The following ATPSCKMT variants were observed in gnomAD, a reference collection of about 807,000 sequenced individuals.
ATPSCKMT encodes ATP synthase c subunit lysine N-methyltransferase, also known as ATP synthase subunit C lysine N-methyltransferase.
A neutral mutation model predicts 24.3 loss-of-function variants in ATPSCKMT; 24 were observed. The observed-to-expected ratio is 0.99, with a 90% CI of 0.71 to 1.39. The LOEUF (loss-of-function observed/expected upper bound fraction) is 1.39, where lower values mean the gene tolerates loss of function less well. Ranked by LOEUF, ATPSCKMT falls within the 40% of genes most tolerant of loss-of-function variation. The pLI, the probability that ATPSCKMT is intolerant of heterozygous loss-of-function variation, is 0.00. For missense variants in ATPSCKMT, 311 were observed against 298.4 expected (o/e 1.04, Z -0.31); for synonymous variants, 95 against 110.5 (o/e 0.86, Z 0.88).
Position 10,239,134 on chromosome 5 carries a change from T to C in ATPSCKMT, c.239A>G (p.Asn80Ser), listed in dbSNP as rs776831559. 15 of 1,614,082 alleles carry C rather than the reference T, an allele frequency of 9.3e-6. No individual in the cohort carries two copies. Among genetic ancestry groups the C allele is most frequent in the Non-Finnish European group, 1.2e-5 (14 of 1,180,048 alleles). ...FVPATTKQIE[N>S]VVKMLRCRRG... ...TCGGCATCGCAACATTTTCACAACA[T>C]TTTCAATCTGCTTCGTAGTTGCAGG... Residue 80 changes from asparagine to serine, a missense_variant, in exon 2 of 5, where the codon AAT (asparagine) becomes AGT (serine). Asn to Ser is a conservative substitution (Grantham distance 46, BLOSUM62 1). Coordinates refer to ENST00000511437, the MANE Select transcript of ATPSCKMT (RefSeq NM_199133.4).
chr5:10,249,706 C>T (rs990908940), intron 1 of ATPSCKMT, 152 bp downstream of exon 1: 11 of 1,248,950 alleles, frequency 8.8e-6, no homozygotes, highest in African/African-American at 1.6e-5. Context: ...CGACCAGGAG[C>T]TCTGGTCACC....
intron 4 of ATPSCKMT, among the ~76,000 whole-genome samples, chr5:10,230,767 C>T (rs28594590): frequency 0.038 from 5,820 of 152,116 alleles, 387 homozygotes; most frequent in African/African-American, 0.13. Flanking sequence ...TTCACTGGGC[C>T]GCCAGTGTAA....
Position 10,239,140 on chromosome 5 carries a change from A to C in ATPSCKMT, c.233T>G (p.Ile78Ser). The C allele has an allele frequency of 6.2e-7, 1 of 1,614,208 alleles. No individual in the cohort carries two copies. The highest frequency in any genetic ancestry group is 8.5e-7 in the Non-Finnish European group (1 of 1,180,046). Residue 78 changes from isoleucine (I) to serine (S), a missense_variant, in exon 2 of 5, where the codon ATT (isoleucine) becomes AGT (serine). Coordinates refer to ENST00000511437, the MANE Select transcript of ATPSCKMT (RefSeq NM_199133.4). ...TCGCAACATTTTCACAACATTTTCAATCTGCTTCGTAGTTGCAGGTACAAA... is the reference window on the plus strand; with the variant it reads ...TCGCAACATTTTCACAACATTTTCACTCTGCTTCGTAGTTGCAGGTACAAA... ...LPFVPATTKQIENVVKMLRCR... is the reference protein window; with the variant it reads ...LPFVPATTKQSENVVKMLRCR...
At chr5:10,248,869 T>A (rs1745101312) in intron 1 of ATPSCKMT, among the ~76,000 whole-genome samples, 1 of 152,120 alleles carries the variant, frequency 6.6e-6, no homozygotes, top group African/African-American at 2.4e-5. Context: ...AATCTAAACC[T>A]ATCAAATATT....
Position 10,236,507 on chromosome 5 carries a change from C to G in ATPSCKMT, c.415G>C (p.Ala139Pro). ...RAWREGVHGS[A>P]KFYISDLWKV... ...CACAAATCTGAAATATAAAATTTGG[C>G]AGATCCATGCACACCTTCTCGCCAA... The change falls in exon 3 of 5, where the codon GCC becomes CCC. Residue 139 changes from alanine (A) to proline (P), a missense_variant. Physicochemically the swap from Ala to Pro is conservative, Grantham distance 27 (BLOSUM62 -1). Transcript: ENST00000511437. The G allele has an allele frequency of 6.2e-7, 1 of 1,614,114 alleles. No homozygotes were observed. Among genetic ancestry groups the G allele is most frequent in the Non-Finnish European group, 8.5e-7 (1 of 1,180,012 alleles).
At chr5:10,249,536 C>A (rs954224383) in intron 1 of ATPSCKMT, 12 of 358,528 alleles carry the variant, frequency 3.3e-5, no homozygotes, top group Non-Finnish European at 6.0e-5. Context: ...CTAGGAAGAG[C>A]GGCAGAACTG....
intron 4 of ATPSCKMT, among the ~76,000 whole-genome samples, chr5:10,228,449 A>T (rs968270952): frequency 6.6e-6 from 1 of 152,178 alleles, no homozygotes; most frequent in African/African-American, 2.4e-5. Context: ...CTACCAATAA[A>T]GAGTTTTTAT....
chr5:10,245,377 G>A (rs377692297), intron 1 of ATPSCKMT, among the ~76,000 whole-genome samples: 2 of 152,090 alleles, frequency 1.3e-5, no homozygotes, highest in East Asian at 1.9e-4. Flanking sequence ...CCGAGACCGC[G>A]CCACTGCACT....
rs1189331829 is a variant in ATPSCKMT, at chr5:10,227,261, A to C, written c.*180T>G. 10 of 659,108 alleles carry C rather than the reference A, an allele frequency of 1.5e-5. No individual in the cohort carries two copies. The highest frequency in any genetic ancestry group is 3.6e-5 in the African/African-American group (2 of 54,886). 40.8% of individuals were successfully genotyped at this position (659,108 alleles called of 1,614,324 possible). On this transcript the variant is annotated 3_prime_UTR_variant, in exon 5 of 5. Coordinates refer to ENST00000511437, the MANE Select transcript of ATPSCKMT (RefSeq NM_199133.4). Reference sequence around the variant, plus strand: ...TACAATTTTTAAGAAAATAGCATCAAAAGCAGATTTTAAATCTACCTGTTT... The same window carrying C: ...TACAATTTTTAAGAAAATAGCATCACAAGCAGATTTTAAATCTACCTGTTT...
intron 4 of ATPSCKMT, among the ~76,000 whole-genome samples, chr5:10,231,950 C>A (rs1000734443): frequency 1.3e-5 from 2 of 152,378 alleles, no homozygotes; most frequent in East Asian, 1.9e-4. Context: ...CACCTGTAAT[C>A]CCAACACTTT....
intron 1 of ATPSCKMT, 54 bp downstream of exon 1, chr5:10,249,804 C>G (rs893465583): frequency 4.6e-6 from 7 of 1,535,770 alleles, no homozygotes; most frequent in Non-Finnish European, 6.1e-6. Context: ...GCCCCCGGCC[C>G]GCCCGCACCC....
At chr5:10,240,734 A>G (rs2578631) in intron 1 of ATPSCKMT, among the ~76,000 whole-genome samples, 134,460 of 152,088 alleles carry the variant, frequency 0.88, 59,611 homozygotes, top group Middle Eastern at 0.94. Context: ...AGTGGCTCAC[A>G]CCTGTAATCC....
intron 2 of ATPSCKMT, among the ~76,000 whole-genome samples, chr5:10,237,795 G>A (rs1157651336): frequency 6.6e-6 from 1 of 151,740 alleles, no homozygotes; most frequent in African/African-American, 2.4e-5. Flanking sequence ...CACCCAGGCT[G>A]GAGTGCAGTG....
At chr5:10,244,163 T>C (rs187562799) in intron 1 of ATPSCKMT, among the ~76,000 whole-genome samples, 39 of 152,268 alleles carry the variant, frequency 2.6e-4, no homozygotes, top group Admixed American at 1.8e-3. Flanking sequence ...CATTTATCGA[T>C]TAAGTTCACT....
chr5:10,235,422 A>G (rs1414509731), intron 3 of ATPSCKMT, among the ~76,000 whole-genome samples, 161 bp from the exon 4 acceptor site: 1 of 152,230 alleles, frequency 6.6e-6, no homozygotes, highest in Non-Finnish European at 1.5e-5. Context: ...CACAAGGAAA[A>G]GAATAACATG....
At chr5:10,238,160 T>C (rs1334980642) in intron 2 of ATPSCKMT, among the ~76,000 whole-genome samples, 1 of 152,156 alleles carries the variant, frequency 6.6e-6, no homozygotes, top group African/African-American at 2.4e-5. Flanking sequence ...AAAAGAGTTC[T>C]GGAGATGGGT....
rs140531183 is a variant in ATPSCKMT at position 10,241,083 on chromosome 5, C to T, written c.17-1727G>A. Among the ~76,000 whole-genome samples the T allele has an allele frequency of 4.4e-4, 67 of 152,090 alleles. 1 individual carries two copies. The East Asian group carries it at 0.012, about 28-fold the overall frequency. Reference sequence around the variant, plus strand: ...TGAAATGAATTGGCAGGCCTGCGTTCCTTCTGGGGGCCCTCGGGCAGGTTT... The same window carrying T: ...TGAAATGAATTGGCAGGCCTGCGTTTCTTCTGGGGGCCCTCGGGCAGGTTT... On this transcript the variant is annotated intron_variant, in intron 1 of 4. Coordinates refer to ENST00000511437, the MANE Select transcript of ATPSCKMT (RefSeq NM_199133.4).
chr5:10,249,730 G>T (rs1052321754), intron 1 of ATPSCKMT, 128 bp downstream of exon 1: 1 of 1,396,328 alleles, frequency 7.2e-7, no homozygotes. Flanking sequence ...GGCCAGGCTG[G>T]AGGCCAGAGC....
At chr5:10,234,327 C>CA (rs569777224) in intron 4 of ATPSCKMT, among the ~76,000 whole-genome samples, 26 of 141,862 alleles carry the variant, frequency 1.8e-4, no homozygotes, top group African/African-American at 2.9e-4. Context: ...GACCCTGGCT[C>CA]AAAAAAAAAA....
Sources: gnomAD v4.1 joint callset for allele counts (sites outside exome capture counted in the v4.1 genomes callset) on GRCh38, gnomAD v4.1.1 for gene constraint, MANE v1.5 for transcripts, NCBI Gene and HGNC (gene_info 2026-07-23, HGNC 2026-07-21) for gene names.